ZNF451: variants seen among roughly 807,000 people sequenced by gnomAD.
The protein encoded by ZNF451 is E3 SUMO-protein ligase ZNF451.
Under a neutral mutation model 107.1 loss-of-function variants are expected in ZNF451, and 80 were observed. The observed-to-expected ratio is 0.75, with a 90% CI of 0.62 to 0.90. ZNF451 has a LOEUF of 0.90. Among genes scored for constraint, ZNF451 ranks in the 40% least tolerant of loss-of-function variants. The probability of loss-of-function intolerance (pLI) is 0.00; values close to 1 mark genes in which losing one functional copy is unlikely to be tolerated. For missense variants in ZNF451, 1,107 were observed against 1,236.2 expected (o/e 0.90, Z 1.57); for synonymous variants, 362 against 406.5 (o/e 0.89, Z 1.32).
chr6:57,163,435 A>ATTTTTTTT (rs1562631987), intron 14 of ZNF451, among the ~76,000 whole-genome samples: 1 of 50,874 alleles, frequency 2.0e-5, no homozygotes, highest in African/African-American at 6.4e-5. Context: ...AAATGAATAA[A>ATTTTTTTT]CTTTTTTTTT....
intron 6 of ZNF451, chr6:57,134,095 G>A (rs1374554650): frequency 6.6e-6 from 1 of 152,266 alleles, no homozygotes; most frequent in Non-Finnish European, 1.5e-5. Context: ...TTGAGAGTTT[G>A]GGGCTCTAAG....
intron 3 of ZNF451, among the ~76,000 whole-genome samples, chr6:57,114,674 A>G (rs898322141): frequency 6.6e-6 from 1 of 152,156 alleles, no homozygotes; most frequent in Non-Finnish European, 1.5e-5. Flanking sequence ...TTTTTGTAGG[A>G]TATATATTAA....
At chr6:57,117,326 A>T (rs1183010924) in intron 3 of ZNF451, among the ~76,000 whole-genome samples, 41 of 147,372 alleles carry the variant, frequency 2.8e-4, no homozygotes, top group African/African-American at 3.0e-4. Flanking sequence ...ATTTTAGAGC[A>T]TTTTTTTTTT....
chr6:57,142,758 T>C (rs887372075), intron 9 of ZNF451, among the ~76,000 whole-genome samples: 1 of 152,346 alleles, frequency 6.6e-6, no homozygotes, highest in Non-Finnish European at 1.5e-5. Flanking sequence ...TATTTAACTT[T>C]ATGAGAACCT....
At chr6:57,129,874 G>A (rs1267134754) in intron 5 of ZNF451, among the ~76,000 whole-genome samples, 4 of 152,060 alleles carry the variant, frequency 2.6e-5, no homozygotes, top group Non-Finnish European at 1.5e-5. Context: ...CAGTATTAGG[G>A]ATTGCTGAGT....
At chr6:57,103,953 T>C (rs1829725169) in intron 3 of ZNF451, 1 of 985,014 alleles carries the variant, frequency 1.0e-6, no homozygotes, top group African/African-American at 1.8e-5. Flanking sequence ...TTGGAAGAAA[T>C]TACTTTATCA....
At chr6:57,130,302 G>T (rs903460862) in intron 5 of ZNF451, among the ~76,000 whole-genome samples, 2 of 152,082 alleles carry the variant, frequency 1.3e-5, no homozygotes, top group African/African-American at 4.8e-5. Context: ...AGAAAATATG[G>T]TAAATGGTTT....
chr6:57,103,776 C>G, intron 3 of ZNF451: 3 of 985,286 alleles, frequency 3.0e-6, no homozygotes, highest in Non-Finnish European at 3.6e-6. Context: ...GTTCTTGCCA[C>G]AGTTGTTGCA....
chr6:57,096,022 C>T (rs1014225262), intron 2 of ZNF451, among the ~76,000 whole-genome samples: 2 of 151,966 alleles, frequency 1.3e-5, no homozygotes, highest in African/African-American at 2.4e-5. Context: ...CAGAGTTTTG[C>T]CATGTTGGCC....
intron 10 of ZNF451, among the ~76,000 whole-genome samples, 165 bp downstream of exon 10, chr6:57,148,858 T>C (rs573277890): frequency 7.2e-5 from 11 of 152,326 alleles, no homozygotes; most frequent in African/African-American, 2.4e-4. Context: ...ACTACATTTA[T>C]CCACTTTCTA....
intron 3 of ZNF451, chr6:57,103,996 G>T (rs1358917308): frequency 1.0e-6 from 1 of 985,162 alleles, no homozygotes; most frequent in African/African-American, 1.7e-5. Flanking sequence ...GATCTTGTTT[G>T]TCCTATTTGT....
At chr6:57,109,829 A>G (rs577375083) in intron 3 of ZNF451, 292 of 585,512 alleles carry the variant, frequency 5.0e-4, no homozygotes, top group Non-Finnish European at 5.9e-4. Context: ...GATAGATGGT[A>G]TTTTGTTATT....
chr6:57,102,083 G>C lies in ZNF451; in HGVS notation c.186+2942G>C, dbSNP rs1032735144. 2.7e-6 allele frequency: 4 copies of C among 1,508,500 alleles called. No individual in the cohort carries two copies. The African/African-American group carries it at 5.7e-5, about 21-fold the overall frequency. 93.4% of individuals were successfully genotyped at this position (1,508,500 alleles called of 1,614,324 possible). A position where few individuals can be genotyped will look rare whatever the true frequency, so the allele number is the denominator to read the frequency against. On this transcript the variant is annotated intron_variant, in intron 3 of 14. Transcript: ENST00000370706. ...AAGGGAGACTCTCCAGAACGCCATG[G>C]GTACAAGAATTAATAACCTGTTTAA...
At chr6:57,105,241 C>G in intron 3 of ZNF451, 1 of 985,298 alleles carries the variant, frequency 1.0e-6, no homozygotes, top group South Asian at 4.7e-5. Flanking sequence ...GTTTAATGAT[C>G]TGGTATTCTC....
chr6:57,095,719 T>A (rs951808252), intron 2 of ZNF451, among the ~76,000 whole-genome samples: 1 of 152,210 alleles, frequency 6.6e-6, no homozygotes, highest in African/African-American at 2.4e-5. Context: ...GAAAAATGTT[T>A]GCATATTGGT....
intron 3 of ZNF451, chr6:57,106,552 C>T (rs1022009712): frequency 2.0e-5 from 19 of 951,494 alleles, no homozygotes; most frequent in African/African-American, 5.3e-5. Flanking sequence ...GTGATCCGCC[C>T]GCCTTGGCCT....
At chr6:57,121,780 A>C (rs918280147) in intron 3 of ZNF451, among the ~76,000 whole-genome samples, 1 of 152,198 alleles carries the variant, frequency 6.6e-6, no homozygotes, top group Admixed American at 6.5e-5. Flanking sequence ...GGAAGACTCA[A>C]TATCATTAAA....
At chr6:57,147,037 T>C in intron 9 of ZNF451, 53 bp from the exon 10 acceptor site, 3 of 1,466,236 alleles carry the variant, frequency 2.0e-6, no homozygotes, top group Non-Finnish European at 2.7e-6. Flanking sequence ...GCAGCAATGG[T>C]ATATTTAGAA....
chr6:57,167,180 T>TAC lies in ZNF451; in HGVS notation c.3140-1242_3140-1241insCA, dbSNP rs199786089. Among the ~76,000 whole-genome samples, 616 of 150,914 alleles carry TAC rather than the reference T, an allele frequency of 4.1e-3. 7 individuals are homozygous for TAC. Among genetic ancestry groups the TAC allele is most frequent in the African/African-American group, 0.013 (519 of 40,512 alleles). On this transcript the variant is annotated intron_variant, in intron 14 of 14. Coordinates refer to ENST00000370706, the MANE Select transcript of ZNF451 (RefSeq NM_001031623.3). ...AACAGACGTTGTGATTTCGTATATA[T>TAC]ATACACACACACACACACACACACA...
Sources: allele counts gnomAD v4.1 joint callset (sites outside exome capture counted in the v4.1 genomes callset), GRCh38; gene constraint gnomAD v4.1.1; transcripts MANE v1.5; gene names NCBI Gene and HGNC (gene_info 2026-07-23, HGNC 2026-07-21).